The following WWP1 variants were observed in gnomAD, a reference collection of about 807,000 sequenced individuals.
The protein encoded by WWP1 is NEDD4-like E3 ubiquitin-protein ligase WWP1.
A neutral mutation model predicts 130.6 loss-of-function variants in WWP1; 49 were observed. The observed-to-expected ratio is 0.38, with a 90% CI of 0.30 to 0.48. The LOEUF (loss-of-function observed/expected upper bound fraction) is 0.48. Ranked by LOEUF, WWP1 falls within the 20% of genes least tolerant of loss-of-function variation. WWP1 has a pLI of 0.99. For synonymous variants in WWP1, 332 were observed against 367.8 expected (o/e 0.90, Z 1.11); for missense variants, 809 against 1,100.6 (o/e 0.74, Z 3.75).
chr8:86,433,227 CTCT>C (rs1355496920), intron 14 of WWP1, among the ~76,000 whole-genome samples: 1 of 121,904 alleles, frequency 8.2e-6, no homozygotes, highest in South Asian at 2.5e-4. Flanking sequence ...TTTCCTAAGC[CTCT>C]TTTTTTTTTT....
chr8:86,362,510 G>A (rs1823728802), intron 1 of WWP1, among the ~76,000 whole-genome samples: 2 of 151,970 alleles, frequency 1.3e-5, no homozygotes, highest in Non-Finnish European at 2.9e-5. Context: ...AAGGGTAGAA[G>A]AATCGGTGAC....
intron 5 of WWP1, among the ~76,000 whole-genome samples, chr8:86,392,702 T>G (rs1205695580): frequency 1.3e-5 from 2 of 152,242 alleles, no homozygotes; most frequent in Non-Finnish European, 2.9e-5. Flanking sequence ...GTGAATTTGC[T>G]TATTTAGTTA....
chr8:86,434,677 A>G (rs542969118), intron 14 of WWP1, among the ~76,000 whole-genome samples: 2 of 152,272 alleles, frequency 1.3e-5, no homozygotes, highest in South Asian at 4.1e-4. Flanking sequence ...TCACTAGTAT[A>G]TAAGCTCCAC....
In WWP1 at chr8:86,467,158, C is replaced by G. The variant is rs1812220686; in HGVS notation, c.*265C>G. The G allele has an allele frequency of 1.0e-5, 3 of 288,008 alleles. No homozygotes were observed. Among genetic ancestry groups the G allele is most frequent in the Admixed American group, 5.6e-5 (1 of 17,960 alleles). The allele number at this position is 288,008 out of a possible 1,614,324, so 17.8% of individuals were successfully genotyped here. A position where few individuals can be genotyped will look rare whatever the true frequency, so the allele number is the denominator to read the frequency against. On this transcript the variant is annotated 3_prime_UTR_variant, in exon 25 of 25. Transcript: ENST00000517970. ...GACTTTATTAAAAATACATATATAT[C>G]TATATAAACATATATGATAGTGGCT...
chr8:86,423,717 C>T (rs1207378188), intron 9 of WWP1, among the ~76,000 whole-genome samples: 5 of 152,168 alleles, frequency 3.3e-5, no homozygotes, highest in Admixed American at 6.5e-5. Flanking sequence ...CATCATGGCC[C>T]GTTCTCAATG....
At chr8:86,435,164 G>C (rs1478897661) in intron 14 of WWP1, among the ~76,000 whole-genome samples, 4 of 152,128 alleles carry the variant, frequency 2.6e-5, no homozygotes, top group Non-Finnish European at 1.5e-5. Context: ...GATTATCGAA[G>C]ATTTTCTTTG....
chr8:86,375,963 T>C (rs541610977), intron 3 of WWP1, among the ~76,000 whole-genome samples: 3 of 152,250 alleles, frequency 2.0e-5, no homozygotes, highest in African/African-American at 7.2e-5. Context: ...AATTAGACAC[T>C]GAAGTGGTAT....
intron 3 of WWP1, among the ~76,000 whole-genome samples, chr8:86,376,991 G>C (rs748416440): frequency 6.6e-6 from 1 of 152,194 alleles, no homozygotes; most frequent in Non-Finnish European, 1.5e-5. Context: ...GAGAATCAGA[G>C]GGATTAAGTG....
At position 86,452,621 on chromosome 8, in the gene WWP1, G is replaced by T; in HGVS notation, c.2336G>T (p.Gly779Val). ...GAACAGACCAAAGCTTTCCTTGATG[G>T]TTTTAATGAAGTTGTTCCTCTTCAG... ...VQEQTKAFLDGFNEVVPLQWL... is the reference protein window; with the variant it reads ...VQEQTKAFLDVFNEVVPLQWL... Residue 779 changes from glycine (G) to valine (V), a missense_variant, in exon 21 of 25, where the codon GGT becomes GTT. Physicochemically the swap from Gly to Val is moderately radical, Grantham distance 109. Transcript: ENST00000517970. 1 of 1,613,392 alleles carries T rather than the reference G, an allele frequency of 6.2e-7. No individual in the cohort carries two copies. The highest frequency in any genetic ancestry group is 8.5e-7 in the Non-Finnish European group (1 of 1,179,616).
chr8:86,431,134 A>G (rs1211038825), intron 12 of WWP1, among the ~76,000 whole-genome samples: 1 of 128,280 alleles, frequency 7.8e-6, no homozygotes, highest in Non-Finnish European at 1.6e-5. Context: ...TAGATTATAT[A>G]TTAAAGAATT....
At chr8:86,434,489 C>T (rs746673106) in intron 14 of WWP1, among the ~76,000 whole-genome samples, 1 of 152,188 alleles carries the variant, frequency 6.6e-6, no homozygotes, top group Non-Finnish European at 1.5e-5. Context: ...GCTCAAATGT[C>T]ACTTTGTCTG....
chr8:86,461,053 C>T (rs1170959192), intron 22 of WWP1, among the ~76,000 whole-genome samples, 171 bp from the exon 23 acceptor site: 1 of 152,036 alleles, frequency 6.6e-6, no homozygotes, highest in African/African-American at 2.4e-5. Flanking sequence ...TCGTGATCCG[C>T]CTGCTTCGGC....
chr8:86,371,208 G>A lies in WWP1; in HGVS notation c.-22+2177G>A, dbSNP rs539601653. Reference sequence around the variant, plus strand: ...CACCGCCCCTACCTGTAGTTCATTCGTTCTCACTACTATATAATGCTCCAT... The same window carrying A: ...CACCGCCCCTACCTGTAGTTCATTCATTCTCACTACTATATAATGCTCCAT... On this transcript the variant is annotated intron_variant, in intron 2 of 24. Coordinates refer to ENST00000517970, the MANE Select transcript of WWP1 (RefSeq NM_007013.4). 2.3e-4 allele frequency among the ~76,000 whole-genome samples: 35 copies of A among 151,780 alleles called. No individual in the cohort carries two copies. In the East Asian group the frequency reaches 3.7e-3, roughly 16 times the overall value.
chr8:86,406,727 C>T (rs1344633575), intron 8 of WWP1, among the ~76,000 whole-genome samples: 2 of 152,120 alleles, frequency 1.3e-5, no homozygotes, highest in Non-Finnish European at 2.9e-5. Context: ...CCAGTTCAAT[C>T]CAGGTACAGA....
At chr8:86,423,759 C>T (rs1171396868) in intron 9 of WWP1, among the ~76,000 whole-genome samples, 31 of 152,030 alleles carry the variant, frequency 2.0e-4, no homozygotes, top group African/African-American at 6.3e-4. Context: ...GACGGGGTGG[C>T]GGCCGGGCAG....
chr8:86,370,391 A>T (rs1399985466), intron 2 of WWP1, among the ~76,000 whole-genome samples: 1 of 152,238 alleles, frequency 6.6e-6, no homozygotes, highest in African/African-American at 2.4e-5. Context: ...TATCATAGAC[A>T]AGTAAACATT....
At chr8:86,393,329 T>C (rs1187547641) in intron 5 of WWP1, among the ~76,000 whole-genome samples, 3 of 152,122 alleles carry the variant, frequency 2.0e-5, no homozygotes, top group African/African-American at 7.2e-5. Flanking sequence ...TGCCTCAACC[T>C]CCCCTCAAGG....
intron 1 of WWP1, among the ~76,000 whole-genome samples, chr8:86,359,251 G>A (rs1367548050): frequency 6.6e-6 from 1 of 152,116 alleles, no homozygotes; most frequent in African/African-American, 2.4e-5. Context: ...GAATGACCAG[G>A]ACCAGTTTGA....
intron 5 of WWP1, among the ~76,000 whole-genome samples, chr8:86,391,991 A>C (rs1477067435): frequency 6.6e-6 from 1 of 152,220 alleles, no homozygotes; most frequent in Non-Finnish European, 1.5e-5. Context: ...GGGGCCTATC[A>C]TCAGGTGTTG....
Sources: allele counts gnomAD v4.1 joint callset (sites outside exome capture counted in the v4.1 genomes callset), GRCh38; gene constraint gnomAD v4.1.1; transcripts MANE v1.5; gene names NCBI Gene and HGNC (gene_info 2026-07-23, HGNC 2026-07-21).